KCNG2: variants seen among roughly 807,000 people sequenced by gnomAD.
The protein encoded by KCNG2 is voltage-gated potassium channel regulatory subunit KCNG2.
A neutral mutation model predicts 12.3 loss-of-function variants in KCNG2; 7 were observed. The observed-to-expected ratio is 0.57, with a 90% CI of 0.32 to 1.07. The LOEUF (loss-of-function observed/expected upper bound fraction) is 1.07. Among genes scored for constraint, KCNG2 ranks in the 50% least tolerant of loss-of-function variants. The probability of loss-of-function intolerance (pLI) is 0.04; values close to 1 mark genes in which losing one functional copy is unlikely to be tolerated. For synonymous variants in KCNG2, 414 were observed against 351.4 expected, an observed-to-expected ratio of 1.18 and a Z score of -1.99; for missense variants, 703 against 726.0, an observed-to-expected ratio of 0.97 and a Z score of 0.36.
At chr18:79,805,123 T>C (rs1254630062) in intron 1 of KCNG2, among the ~76,000 whole-genome samples, 1 of 152,260 alleles carries the variant, frequency 6.6e-6, no homozygotes, top group Non-Finnish European at 1.5e-5. Context: ...ACCACTGTCA[T>C]GGACGTATTT....
In KCNG2 at chr18:79,868,088, G is replaced by A. The variant is rs77001728; in HGVS notation, c.624+3797G>A. On this transcript the variant is annotated intron_variant, in intron 3 of 3. Coordinates refer to ENST00000316249, the MANE Select transcript of KCNG2 (RefSeq NM_012283.2). ...GGTGCTGGAGTGTTTGGCTGTCCTC[G>A]GTCGAATATCCAGGAGGGAAAATTC... is the stretch of plus-strand genomic sequence containing the variant. Among the ~76,000 whole-genome samples the A allele has an allele frequency of 3.9e-5, 6 of 152,276 alleles. No individual in the cohort carries two copies. In the East Asian group the frequency reaches 1.2e-3, roughly 29 times the overall value.
At chr18:79,843,567 A>T (rs1978529697) in intron 1 of KCNG2, among the ~76,000 whole-genome samples, 1 of 152,256 alleles carries the variant, frequency 6.6e-6, no homozygotes, top group Non-Finnish European at 1.5e-5. Flanking sequence ...ATAATATATA[A>T]TGTAAATTGT....
At chr18:79,833,949 C>G (rs1178702402) in intron 1 of KCNG2, among the ~76,000 whole-genome samples, 2 of 152,240 alleles carry the variant, frequency 1.3e-5, no homozygotes, top group African/African-American at 4.8e-5. Flanking sequence ...GCCACAGATG[C>G]TCTGGGCAGC....
chr18:79,847,398 G>A (rs916912156), intron 1 of KCNG2, among the ~76,000 whole-genome samples: 5 of 152,190 alleles, frequency 3.3e-5, no homozygotes, highest in Non-Finnish European at 5.9e-5. Context: ...CCTGGACATT[G>A]CCAGGTGCCC....
chr18:79,875,589 G>A (rs1024508267), intron 3 of KCNG2, among the ~76,000 whole-genome samples: 12 of 152,100 alleles, frequency 7.9e-5, no homozygotes, highest in Admixed American at 1.3e-4. Context: ...GATCACTCCC[G>A]TCCCACCCTA....
chr18:79,834,176 C>T (rs891412101), intron 1 of KCNG2, among the ~76,000 whole-genome samples: 3 of 152,352 alleles, frequency 2.0e-5, no homozygotes, highest in East Asian at 1.9e-4. Flanking sequence ...AGCGTCAGAG[C>T]GGCTTGGACC....
At chr18:79,873,023 G>A (rs1979912216) in intron 3 of KCNG2, among the ~76,000 whole-genome samples, 1 of 152,172 alleles carries the variant, frequency 6.6e-6, no homozygotes, top group Non-Finnish European at 1.5e-5. Context: ...AGAAATAGTG[G>A]GGAGGCTCAC....
chr18:79,881,375 A>C (rs901909678), intron 3 of KCNG2, among the ~76,000 whole-genome samples: 2 of 152,224 alleles, frequency 1.3e-5, no homozygotes, highest in Admixed American at 6.5e-5. Context: ...ACGCCGTATG[A>C]TTGGAAAGCA....
intron 2 of KCNG2, among the ~76,000 whole-genome samples, chr18:79,857,716 G>A (rs560512346): frequency 5.0e-5 from 7 of 139,302 alleles, no homozygotes; most frequent in East Asian, 2.2e-4. Context: ...TGAGGCTTGC[G>A]TGTTACTGGA....
In KCNG2 at chr18:79,797,986, GC is replaced by G. The variant is rs2122980481; in HGVS notation, c.-140del. Among the ~76,000 whole-genome samples the G allele has an allele frequency of 6.6e-6, 1 of 151,478 alleles. No individual in the cohort carries two copies. Among genetic ancestry groups the G allele is most frequent in the East Asian group, 2.0e-4 (1 of 5,106 alleles). On this transcript the variant is annotated 5_prime_UTR_variant, in exon 1 of 4. Transcript: ENST00000316249. ...GGAGGCCGCCGGCCGGGTAAGCGGA[GC>G]CCGGAGCTCGCGGAGTCTGGACCGC...
chr18:79,881,997 T>G (rs1980314889), intron 3 of KCNG2, among the ~76,000 whole-genome samples: 1 of 150,802 alleles, frequency 6.6e-6, no homozygotes, highest in African/African-American at 2.4e-5. Context: ...ACAACTGAAC[T>G]CCCATATTTT....
intron 1 of KCNG2, among the ~76,000 whole-genome samples, chr18:79,806,061 C>T (rs1218964296): frequency 6.6e-6 from 1 of 152,170 alleles, no homozygotes; most frequent in Non-Finnish European, 1.5e-5. Flanking sequence ...CTGGGATAGC[C>T]CACACAGGTG....
At chr18:79,829,650 G>A (rs1033066515) in intron 1 of KCNG2, among the ~76,000 whole-genome samples, 5 of 152,062 alleles carry the variant, frequency 3.3e-5, no homozygotes, top group East Asian at 1.9e-4. Context: ...GCCTCACACC[G>A]GTCAGCCTCT....
At chr18:79,871,823 G>T (rs1410192821) in intron 3 of KCNG2, among the ~76,000 whole-genome samples, 1 of 152,270 alleles carries the variant, frequency 6.6e-6, no homozygotes, top group Admixed American at 6.5e-5. Flanking sequence ...CAAAGCTGCG[G>T]CTGCTCTTTA....
chr18:79,867,932 C>A (rs555523740), intron 3 of KCNG2, among the ~76,000 whole-genome samples: 1 of 152,116 alleles, frequency 6.6e-6, no homozygotes, highest in Non-Finnish European at 1.5e-5. Flanking sequence ...CCCAAGCCTG[C>A]GGCCCGAGTG....
intron 1 of KCNG2, among the ~76,000 whole-genome samples, chr18:79,845,529 C>T (rs1164966791): frequency 6.6e-6 from 1 of 152,214 alleles, no homozygotes; most frequent in Non-Finnish European, 1.5e-5. Context: ...CTGTACTGTA[C>T]ATACCCTGCT....
At chr18:79,869,873 A>AGCC (rs1979760716) in intron 3 of KCNG2, among the ~76,000 whole-genome samples, 1 of 152,216 alleles carries the variant, frequency 6.6e-6, no homozygotes, top group African/African-American at 2.4e-5. Flanking sequence ...CAGACACCTC[A>AGCC]GCCGCCGCCA....
At chr18:79,882,895 A>G (rs1980370356) in intron 3 of KCNG2, among the ~76,000 whole-genome samples, 1 of 146,748 alleles carries the variant, frequency 6.8e-6, no homozygotes, top group Non-Finnish European at 1.5e-5. Flanking sequence ...GAGGCCGGGT[A>G]CATCTGCGCG....
intron 3 of KCNG2, among the ~76,000 whole-genome samples, chr18:79,887,093 G>A (rs566002224): frequency 6.7e-6 from 1 of 149,586 alleles, no homozygotes; most frequent in East Asian, 1.9e-4. Context: ...AGGGACATAG[G>A]GCCATAGGGA....
Sources: allele counts gnomAD v4.1 joint callset (sites outside exome capture counted in the v4.1 genomes callset), GRCh38; gene constraint gnomAD v4.1.1; transcripts MANE v1.5; gene names NCBI Gene and HGNC (gene_info 2026-07-23, HGNC 2026-07-21).